Variants in ESR1 observed in about 807,000 individuals in gnomAD.
ESR1 encodes the protein estrogen receptor 1.
Under a neutral mutation model 52.7 loss-of-function variants are expected in ESR1, and 12 were observed. The ratio of observed to expected loss-of-function variants is 0.23; its 90% CI spans 0.15 to 0.37. The LOEUF (loss-of-function observed/expected upper bound fraction) is 0.37. Ranked by LOEUF, ESR1 falls within the 10% of genes least tolerant of loss-of-function variation. ESR1 has a pLI of 1.00. For synonymous variants in ESR1, 305 were observed against 316.8 expected (o/e 0.96, Z 0.39); for missense variants, 584 against 779.7 (o/e 0.75, Z 2.99).
intron 1 of ESR1, among the ~76,000 whole-genome samples, chr6:151,662,867 G>T (rs1017613279): frequency 2.0e-5 from 3 of 152,220 alleles, no homozygotes; most frequent in Non-Finnish European, 4.4e-5. Flanking sequence ...TCCCATGTTT[G>T]TCTGGAAAAC....
intron 2 of ESR1, among the ~76,000 whole-genome samples, chr6:151,782,990 C>T (rs1786693283): frequency 6.6e-6 from 1 of 152,066 alleles, no homozygotes; most frequent in African/African-American, 2.4e-5. Flanking sequence ...AATACCATCA[C>T]CTTAATGTTT....
chr6:151,710,021 C>T (rs2127997421), intron 2 of ESR1, among the ~76,000 whole-genome samples: 1 of 151,816 alleles, frequency 6.6e-6, no homozygotes, highest in East Asian at 1.9e-4. Flanking sequence ...GAAGGCTCAA[C>T]TGCATCTCTT....
intron 1 of ESR1, among the ~76,000 whole-genome samples, chr6:151,823,517 A>T (rs1022092924): frequency 1.3e-5 from 2 of 151,988 alleles, no homozygotes; most frequent in African/African-American, 4.8e-5. Context: ...ACATGTGCAC[A>T]ATGTGCAGGT....
rs528565204 is a variant in ESR1, at chr6:152,031,143, G to A, written c.1235+19349G>A. 1.8e-3 allele frequency among the ~76,000 whole-genome samples: 280 copies of A among 152,350 alleles called. 1 individual carries two copies. Among genetic ancestry groups the A allele is most frequent in the African/African-American group, 6.3e-3 (264 of 41,582 alleles). On this transcript the variant is annotated intron_variant, in intron 5 of 7. Transcript: ENST00000206249. The stretch of plus-strand genomic sequence containing the variant: ...CTCTGGGACACATTCAAAGCAGTGT[G>A]TAGAGGGAACTTTATAGCACTAAAT...
At chr6:151,661,660 A>G (rs149821897) in intron 1 of ESR1, among the ~76,000 whole-genome samples, 4 of 152,284 alleles carry the variant, frequency 2.6e-5, no homozygotes, top group African/African-American at 4.8e-5. Context: ...CTGTGTCCCT[A>G]CCCAAATCTT....
At chr6:152,002,556 C>G (rs933128256) in intron 4 of ESR1, among the ~76,000 whole-genome samples, 1 of 151,948 alleles carries the variant, frequency 6.6e-6, no homozygotes, top group Non-Finnish European at 1.5e-5. Context: ...TCAGGTAACT[C>G]GGAATCACTC....
rs1173319110 is a variant in ESR1 at position 152,041,544 on chromosome 6, G to A, written c.1236-19447G>A. ...CCACTGGACCCCTAGAAGTTTTACT[G>A]AGGTAGAAGTTCCCTAAATTTTAGT... On this transcript the variant is annotated intron_variant, in intron 5 of 7. Coordinates refer to ENST00000206249, the MANE Select transcript of ESR1 (RefSeq NM_000125.4). 7.2e-5 allele frequency among the ~76,000 whole-genome samples: 11 copies of A among 152,332 alleles called. No individual in the cohort carries two copies. The South Asian group carries it at 2.3e-3, about 32-fold the overall frequency.
At chr6:151,931,467 T>A (rs1447235538) in intron 3 of ESR1, among the ~76,000 whole-genome samples, 1 of 152,176 alleles carries the variant, frequency 6.6e-6, no homozygotes, top group Non-Finnish European at 1.5e-5. Context: ...TTTTTTTTAT[T>A]ATACTTTAAG....
chr6:151,999,997 G>A (rs2041823768), intron 4 of ESR1, among the ~76,000 whole-genome samples: 1 of 151,956 alleles, frequency 6.6e-6, no homozygotes. Context: ...ATGGTTAGGT[G>A]GTAAGTAGAG....
intron 3 of ESR1, among the ~76,000 whole-genome samples, chr6:151,922,477 ATT>A (rs1375826191): frequency 1.3e-5 from 2 of 152,144 alleles, no homozygotes; most frequent in African/African-American, 2.4e-5. Flanking sequence ...ACCCATGAAT[ATT>A]TATGCTTTGG....
intron 2 of ESR1, among the ~76,000 whole-genome samples, chr6:151,771,711 G>A (rs117146382): frequency 0.022 from 3,395 of 152,122 alleles, 48 homozygotes; most frequent in Non-Finnish European, 0.034. Flanking sequence ...ATTATGAACC[G>A]CAGTTACCCC....
chr6:151,869,348 T>G (rs1212396842), intron 2 of ESR1, among the ~76,000 whole-genome samples: 1 of 152,152 alleles, frequency 6.6e-6, no homozygotes, highest in Admixed American at 6.5e-5. Flanking sequence ...GTCGTCACAA[T>G]TCTCTCCTCT....
At chr6:151,770,616 A>G (rs1459951856) in intron 2 of ESR1, among the ~76,000 whole-genome samples, 2 of 152,134 alleles carry the variant, frequency 1.3e-5, no homozygotes, top group African/African-American at 2.4e-5. Flanking sequence ...TAAAGGTGAT[A>G]CGGGATTTTG....
chr6:151,817,354 T>A (rs1779826526), intron 1 of ESR1, among the ~76,000 whole-genome samples: 1 of 152,194 alleles, frequency 6.6e-6, no homozygotes, highest in Non-Finnish European at 1.5e-5. Context: ...TGACTTTAGA[T>A]GGAGGATATT....
intron 5 of ESR1, among the ~76,000 whole-genome samples, chr6:152,015,540 G>A (rs2043105667): frequency 6.6e-6 from 1 of 152,122 alleles, no homozygotes; most frequent in South Asian, 2.1e-4. Flanking sequence ...GTGATCTCCA[G>A]TTTACGAAGT....
At chr6:151,759,599 G>A (rs1185518345) in intron 2 of ESR1, among the ~76,000 whole-genome samples, 3 of 152,212 alleles carry the variant, frequency 2.0e-5, no homozygotes, top group African/African-American at 7.2e-5. Flanking sequence ...ATTGAAGCTA[G>A]TTTAGTATCT....
intron 3 of ESR1, among the ~76,000 whole-genome samples, chr6:151,906,286 C>A (rs2347923): frequency 0.62 from 94,478 of 151,720 alleles, 29,929 homozygotes; most frequent in Middle Eastern, 0.77. Flanking sequence ...GGAAATTAAA[C>A]GTATACATTT....
chr6:151,964,933 C>T (rs989948543), intron 4 of ESR1, among the ~76,000 whole-genome samples: 10 of 152,168 alleles, frequency 6.6e-5, no homozygotes, highest in East Asian at 1.9e-4. Flanking sequence ...TGAGCCACCG[C>T]GCCCGGCCCC....
intron 5 of ESR1, among the ~76,000 whole-genome samples, chr6:152,016,224 A>T (rs887434198): frequency 6.6e-6 from 1 of 152,152 alleles, no homozygotes; most frequent in Non-Finnish European, 1.5e-5. Flanking sequence ...ACTCTGAGTC[A>T]ATTAAACCTC....
Sources: allele counts gnomAD v4.1 joint callset (sites outside exome capture counted in the v4.1 genomes callset), GRCh38; gene constraint gnomAD v4.1.1; transcripts MANE v1.5; gene names NCBI Gene and HGNC (gene_info 2026-07-23, HGNC 2026-07-21).